NRXN1: variants seen among roughly 807,000 people sequenced by gnomAD.
The protein encoded by NRXN1 is neurexin-1.
NRXN1 carries 39 observed loss-of-function variants against 150.9 expected under a neutral mutation model. The observed-to-expected ratio is 0.26, with a 90% CI of 0.20 to 0.34. The LOEUF (loss-of-function observed/expected upper bound fraction) is 0.34. NRXN1 is among the 10% of genes least tolerant of loss of function. NRXN1 has a pLI of 1.00. For synonymous variants in NRXN1, 924 were observed against 757.0 expected (o/e 1.22, Z -3.62); for missense variants, 1,815 against 1,949.9 (o/e 0.93, Z 1.30).
At chr2:50,171,508 C>A (rs1019087942) in intron 18 of NRXN1, among the ~76,000 whole-genome samples, 1 of 151,946 alleles carries the variant, frequency 6.6e-6, no homozygotes, top group African/African-American at 2.4e-5. Context: ...ATTTTGATTA[C>A]AGGAGACATA....
chr2:50,022,109 A>G (rs1346984114), intron 21 of NRXN1, among the ~76,000 whole-genome samples: 2 of 145,606 alleles, frequency 1.4e-5, no homozygotes, highest in Admixed American at 6.8e-5. Flanking sequence ...TCAGCCTCCC[A>G]AAGTGCTGGG....
At chr2:50,083,149 T>A (rs185480665) in intron 19 of NRXN1, among the ~76,000 whole-genome samples, 6 of 152,308 alleles carry the variant, frequency 3.9e-5, no homozygotes, top group Admixed American at 2.6e-4. Context: ...ATTGACAAGT[T>A]TCCTGGGATG....
intron 17 of NRXN1, among the ~76,000 whole-genome samples, chr2:50,449,158 G>A (rs187100059): frequency 2.9e-3 from 445 of 152,224 alleles, no homozygotes; most frequent in Non-Finnish European, 4.1e-3. Context: ...ATGCATAGAC[G>A]CAGGAATGCA....
At chr2:50,982,911 G>A (rs1697063268) in intron 2 of NRXN1, among the ~76,000 whole-genome samples, 4 of 151,852 alleles carry the variant, frequency 2.6e-5, no homozygotes, top group Admixed American at 2.6e-4. Context: ...TCCTGAAGCT[G>A]CCTGAGAGTC....
At chr2:50,394,634 G>A (rs1349491618) in intron 17 of NRXN1, among the ~76,000 whole-genome samples, 1 of 151,704 alleles carries the variant, frequency 6.6e-6, no homozygotes, top group Non-Finnish European at 1.5e-5. Context: ...ATCCTAATAC[G>A]GTTTTTTTTC....
chr2:50,601,323 C>T (rs1676231619), intron 8 of NRXN1, among the ~76,000 whole-genome samples: 1 of 152,176 alleles, frequency 6.6e-6, no homozygotes, highest in East Asian at 1.9e-4. Context: ...GTCTCCAAAA[C>T]ATCCAAACAG....
chr2:50,655,043 G>A (rs1242193788), intron 5 of NRXN1, among the ~76,000 whole-genome samples: 4 of 151,970 alleles, frequency 2.6e-5, no homozygotes, highest in Non-Finnish European at 4.4e-5. Flanking sequence ...AGATCTTGAT[G>A]TAAAATAGAA....
At chr2:50,471,961 G>A (rs1344843552) in intron 16 of NRXN1, among the ~76,000 whole-genome samples, 1 of 151,570 alleles carries the variant, frequency 6.6e-6, no homozygotes, top group Non-Finnish European at 1.5e-5. Flanking sequence ...TTTGTTTAAT[G>A]CTATAAAGCA....
intron 5 of NRXN1, among the ~76,000 whole-genome samples, chr2:50,870,805 C>T (rs1677666106): frequency 6.6e-6 from 1 of 151,836 alleles, no homozygotes; most frequent in Admixed American, 6.6e-5. Context: ...AGACCATATG[C>T]AATCTCTATT....
intron 21 of NRXN1, among the ~76,000 whole-genome samples, chr2:50,008,690 A>G (rs1019698744): frequency 2.0e-5 from 3 of 152,148 alleles, no homozygotes; most frequent in Non-Finnish European, 4.4e-5. Context: ...TTGCCTTGCA[A>G]GAAATAATAC....
chr2:50,151,155 C>T (rs566112986), intron 18 of NRXN1, among the ~76,000 whole-genome samples: 2 of 151,830 alleles, frequency 1.3e-5, no homozygotes, highest in Non-Finnish European at 2.9e-5. Context: ...TGATTTCTGA[C>T]AGTGCCTGAA....
intron 5 of NRXN1, among the ~76,000 whole-genome samples, chr2:50,915,488 T>A (rs1685085853): frequency 6.6e-6 from 1 of 151,636 alleles, no homozygotes; most frequent in Admixed American, 6.6e-5. Flanking sequence ...CTCATTATTG[T>A]ATGTAAGATA....
chr2:50,623,171 A>C, intron 6 of NRXN1, 143 bp downstream of exon 6: 1 of 637,230 alleles, frequency 1.6e-6, no homozygotes, highest in Non-Finnish European at 2.7e-6. Flanking sequence ...GTATGGCAGG[A>C]AGATTCATCT....
chr2:50,918,558 C>A (rs188004835), intron 5 of NRXN1: 7 of 373,544 alleles, frequency 1.9e-5, no homozygotes, highest in East Asian at 1.1e-4. Context: ...TATTAACCAG[C>A]TATTATGGCT....
intron 17 of NRXN1, among the ~76,000 whole-genome samples, chr2:50,451,943 T>A (rs2087007970): frequency 6.6e-6 from 1 of 152,196 alleles, no homozygotes. Flanking sequence ...ATATTACTGT[T>A]TTTTAATTAT....
At chr2:49,995,142 A>G (rs1292258076) in intron 21 of NRXN1, among the ~76,000 whole-genome samples, 2 of 152,216 alleles carry the variant, frequency 1.3e-5, no homozygotes, top group African/African-American at 4.8e-5. Context: ...GAGGGTGGCA[A>G]CATCTGTCAA....
chr2:50,413,451 G>T (rs563477064), intron 17 of NRXN1, among the ~76,000 whole-genome samples: 47 of 152,192 alleles, frequency 3.1e-4, no homozygotes, highest in Middle Eastern at 6.8e-3. Context: ...TCGGAGAAAT[G>T]GGAGAAATGC....
At chr2:50,565,489 T>C (rs1204460673) in intron 8 of NRXN1, among the ~76,000 whole-genome samples, 6 of 152,072 alleles carry the variant, frequency 3.9e-5, no homozygotes, top group African/African-American at 1.4e-4. Flanking sequence ...TGGCCAGATA[T>C]ATAGACATTG....
chr2:50,584,257 A>G (rs550559353), intron 8 of NRXN1, among the ~76,000 whole-genome samples: 28 of 152,310 alleles, frequency 1.8e-4, no homozygotes, highest in African/African-American at 6.3e-4. Flanking sequence ...GGCAAGCCGA[A>G]AACTATCCCT....
Sources: gnomAD v4.1 joint callset for allele counts (sites outside exome capture counted in the v4.1 genomes callset) on GRCh38, gnomAD v4.1.1 for gene constraint, MANE v1.5 for transcripts, NCBI Gene and HGNC (gene_info 2026-07-23, HGNC 2026-07-21) for gene names.